The following MYO7B variants were observed in gnomAD, a reference collection of about 807,000 sequenced individuals.
MYO7B encodes myosin VIIB, also known as unconventional myosin-VIIb.
Under a neutral mutation model 259.7 loss-of-function variants are expected in MYO7B, and 212 were observed. That is an observed-to-expected ratio of 0.82 (90% CI 0.73 to 0.91). The LOEUF (loss-of-function observed/expected upper bound fraction) is 0.91, where lower values mean the gene tolerates loss of function less well. MYO7B is among the 40% of genes least tolerant of loss of function. MYO7B has a pLI of 0.00. For synonymous variants in MYO7B, 1,197 were observed against 1,166.4 expected (o/e 1.03, Z -0.54); for missense variants, 2,732 against 2,813.5 (o/e 0.97, Z 0.66).
chr2:127,564,201 G>T lies in MYO7B; in HGVS notation c.67G>T (p.Ala23Ser). 1.3e-6 allele frequency: 2 copies of T among 1,578,264 alleles called. No individual in the cohort carries two copies. Among genetic ancestry groups the T allele is most frequent in the Non-Finnish European group, 1.7e-6 (2 of 1,162,556 alleles). Residue 23 changes from alanine (A) to serine (S), a missense_variant, in exon 3 of 48, where the codon GCC (alanine) becomes TCC (serine). By Grantham distance (99) the Ala-to-Ser change is moderately conservative. This residue lies in a region of MYO7B where 1,906 missense variants were observed against 2,026.4 expected (regional missense o/e 0.94). Transcript: ENST00000409816. ...TCCCTCCACCCACAAGACCGGCGTGGCCATCGGGGGCATCATCAAAGAGGC... is the reference window on the plus strand; with the variant it reads ...TCCCTCCACCCACAAGACCGGCGTGTCCATCGGGGGCATCATCAAAGAGGC... ...EPPSTHKTGV[A>S]IGGIIKEAKP...
At chr2:127,598,591 A>G (rs1381290010) in intron 19 of MYO7B, among the ~76,000 whole-genome samples, 1 of 152,232 alleles carries the variant, frequency 6.6e-6, no homozygotes, top group Non-Finnish European at 1.5e-5. Context: ...ATCTTCGTAA[A>G]GTCTAATTGT....
chr2:127,595,646 C>T (rs1679745696), intron 18 of MYO7B, among the ~76,000 whole-genome samples: 2 of 152,184 alleles, frequency 1.3e-5, no homozygotes, highest in Non-Finnish European at 2.9e-5. Flanking sequence ...TTAGCTGTGT[C>T]CCAGAGCTTC....
Position 127,637,539 on chromosome 2 carries a change from C to T in MYO7B, c.*122C>T. 1.4e-6 allele frequency: 1 copy of T among 735,608 alleles called. No homozygotes were observed. Among genetic ancestry groups the T allele is most frequent in the Non-Finnish European group, 2.1e-6 (1 of 469,470 alleles). 45.6% of individuals were successfully genotyped at this position (735,608 alleles called of 1,614,324 possible). A position where few individuals can be genotyped will look rare whatever the true frequency, so the allele number is the denominator to read the frequency against. On this transcript the variant is annotated 3_prime_UTR_variant, in exon 48 of 48. Coordinates refer to ENST00000409816, the MANE Select transcript of MYO7B (RefSeq NM_001393586.1). ...GCAGCCTTCCATGCTGCCCCCCATA[C>T]AAAGCCCACTCAGCCCCGCAGGCGG...
In MYO7B at chr2:127,615,140, G is replaced by A. The variant is rs1316920744; in HGVS notation, c.3398+2537G>A. Among the ~76,000 whole-genome samples the A allele has an allele frequency of 6.6e-6, 1 of 152,126 alleles. No individual in the cohort carries two copies. The highest frequency in any genetic ancestry group is 1.5e-5 in the Non-Finnish European group (1 of 68,024). On this transcript the variant is annotated intron_variant, in intron 26 of 47. Coordinates refer to ENST00000409816, the MANE Select transcript of MYO7B (RefSeq NM_001393586.1). The surrounding 1 kb of genome is among the most constrained non-coding windows in gnomAD (Gnocchi z 4.4). ...AATTTCCTGGTCCTAAGATGGACCA[G>A]TGCTAAGATGGAGGTCTGTTCAGGG...
At position 127,627,315 on chromosome 2, in the gene MYO7B, G is replaced by A. The variant is rs369412298; in HGVS notation, c.4460+5G>A. On this transcript the variant is annotated splice_donor_5th_base_variant and intron_variant, in intron 33 of 47. Coordinates refer to ENST00000409816, the MANE Select transcript of MYO7B (RefSeq NM_001393586.1). This position sits in a 1 kb window ranked among gnomAD's most constrained non-coding sequence, Gnocchi z 5.6. ...CATGGGTCTGGCCACCAACAGGTGCGGGCCCTGAGGGAAGATCTCTTCTTA... is the reference window on the plus strand; with the variant it reads ...CATGGGTCTGGCCACCAACAGGTGCAGGCCCTGAGGGAAGATCTCTTCTTA... The A allele has an allele frequency of 3.1e-4, 504 of 1,612,980 alleles. No homozygotes were observed. The highest frequency in any genetic ancestry group is 4.0e-4 in the Non-Finnish European group (471 of 1,179,774).
chr2:127,633,415 G>A (rs1199553410), intron 40 of MYO7B, 52 bp downstream of exon 40: 4 of 1,556,014 alleles, frequency 2.6e-6, no homozygotes, highest in Non-Finnish European at 3.5e-6. Flanking sequence ...CAGAGGCCAT[G>A]GGGCATCCTC....
chr2:127,623,328 C>T lies in MYO7B; in HGVS notation c.3772C>T (p.Leu1258Phe). Residue 1258 changes from leucine to phenylalanine, a missense_variant, in exon 29 of 48, where the codon CTC (leucine) becomes TTC (phenylalanine). Physicochemically the swap from Leu to Phe is conservative, Grantham distance 22. This residue lies in a region of MYO7B where 1,906 missense variants were observed against 2,026.4 expected (regional missense o/e 0.94). Coordinates refer to ENST00000409816, the MANE Select transcript of MYO7B (RefSeq NM_001393586.1). ...CATGCACATCGCTCACAAGCAGGGCCTCAGCGACCACCTGGGCTTCTCCCT... is the reference window on the plus strand; with the variant it reads ...CATGCACATCGCTCACAAGCAGGGCTTCAGCGACCACCTGGGCTTCTCCCT... ...MCMHIAHKQG[L>F]SDHLGFSLQV... 6.2e-7 allele frequency: 1 copy of T among 1,610,890 alleles called. No homozygotes were observed. The highest frequency in any genetic ancestry group is 8.5e-7 in the Non-Finnish European group (1 of 1,178,504).
intron 25 of MYO7B, 59 bp downstream of exon 25, chr2:127,612,386 AG>A (rs1195832522): frequency 6.5e-7 from 1 of 1,527,256 alleles, no homozygotes; most frequent in African/African-American, 1.4e-5. Context: ...ACAGGGTTCC[AG>A]TCTATTGCTT....
At chr2:127,578,767 G>A (rs1307318887) in intron 9 of MYO7B, among the ~76,000 whole-genome samples, 1 of 152,128 alleles carries the variant, frequency 6.6e-6, no homozygotes, top group Non-Finnish European at 1.5e-5. Context: ...ATGAAGCCAG[G>A]AAGAAATAGG....
In MYO7B at chr2:127,611,662, A is replaced by G. The variant is rs1401882064; in HGVS notation, c.3193-588A>G. 6.6e-6 allele frequency among the ~76,000 whole-genome samples: 1 copy of G among 151,988 alleles called. No homozygotes were observed. The highest frequency in any genetic ancestry group is 1.5e-5 in the Non-Finnish European group (1 of 67,976). On this transcript the variant is annotated intron_variant, in intron 24 of 47. Transcript: ENST00000409816. The surrounding 1 kb of genome is among the most constrained non-coding windows in gnomAD (Gnocchi z 5.4). ...GACCCCCACCCAAGCTCAGTCCCAC[A>G]CTGAGCTCCAATTTTGGCAGCAAAT...
rs569321350 is a variant in MYO7B, at chr2:127,593,718, G to A, written c.2244+74G>A. ...GCTTGTCAGCTCTTGCACCAGGCCC[G>A]GGGTCCATGGTCCATGTGCCCTGAG... On this transcript the variant is annotated intron_variant, in intron 18 of 47. Transcript: ENST00000409816. 2.6e-4 allele frequency: 359 copies of A among 1,376,158 alleles called. 14 individuals are homozygous for A. In the South Asian group the frequency reaches 3.1e-3, roughly 12 times the overall value. The allele number at this position is 1,376,158 out of a possible 1,614,324, so 85.2% of individuals were successfully genotyped here. A position where few individuals can be genotyped will look rare whatever the true frequency, so the allele number is the denominator to read the frequency against.
At chr2:127,552,040 G>A (rs1169687607) in intron 1 of MYO7B, among the ~76,000 whole-genome samples, 1 of 152,144 alleles carries the variant, frequency 6.6e-6, no homozygotes, top group Admixed American at 6.5e-5. Context: ...TCAGTTCAAG[G>A]GAAATCACAG....
At chr2:127,543,713 CCT>C (rs995851303) in intron 1 of MYO7B, among the ~76,000 whole-genome samples, 22 of 150,332 alleles carry the variant, frequency 1.5e-4, no homozygotes, top group South Asian at 1.3e-3. Flanking sequence ...ATATATATAT[CCT>C]CTCTCTCTCT....
In MYO7B at chr2:127,635,753, A is replaced by T. The variant is rs1681764700; in HGVS notation, c.5852A>T (p.Lys1951Met). 6.2e-7 allele frequency: 1 copy of T among 1,604,256 alleles called. No individual in the cohort carries two copies. ...CCCAAGTACCTGCGCGGATTCCACAAGTGTTCGCGGGAGGATGCCATCCAC... is the reference window on the plus strand; with the variant it reads ...CCCAAGTACCTGCGCGGATTCCACATGTGTTCGCGGGAGGATGCCATCCAC... ...ELPKYLRGFH[K>M]CSREDAIHLA... The change falls in exon 44 of 48, where the codon AAG becomes ATG. Residue 1951 changes from lysine (K) to methionine (M), a missense_variant. Coordinates refer to ENST00000409816, the MANE Select transcript of MYO7B (RefSeq NM_001393586.1).
At position 127,631,706 on chromosome 2, in the gene MYO7B, C is replaced by T. The variant is rs368612510; in HGVS notation, c.5202C>T (p.Asp1734=). Residue 1734 remains aspartate, a synonymous_variant, in exon 38 of 48, where the codon GAC becomes GAT. Coordinates refer to ENST00000409816, the MANE Select transcript of MYO7B (RefSeq NM_001393586.1). ...CCCTGCAGCACCCGGCCCTCCAGGACGAGGTCTACTGCCAGATCCTGAAGC... is the reference window on the plus strand; with the variant it reads ...CCCTGCAGCACCCGGCCCTCCAGGATGAGGTCTACTGCCAGATCCTGAAGC... ...TLALQHPALQ[D]EVYCQILKQL... is the part of the protein sequence containing the mutation. 2.2e-4 allele frequency: 350 copies of T among 1,612,884 alleles called. No homozygotes were observed. The highest frequency in any genetic ancestry group is 2.7e-4 in the Non-Finnish European group (321 of 1,179,864).
At position 127,593,651 on chromosome 2, in the gene MYO7B, C is replaced by A. The variant is rs1318336492; in HGVS notation, c.2244+7C>A. ...GACAAAAATTTTCCTGAGGGTGAGA[C>A]CCCGAGGAACCAGCCAGCTGTCGGC... is the stretch of plus-strand genomic sequence containing the variant. On this transcript the variant is annotated splice_region_variant and intron_variant, in intron 18 of 47. Transcript: ENST00000409816. The A allele has an allele frequency of 1.2e-6, 2 of 1,612,768 alleles. No individual in the cohort carries two copies. The highest frequency in any genetic ancestry group is 2.2e-5 in the East Asian group (1 of 44,870).
rs1679294762 is a variant in MYO7B, at chr2:127,586,086, T to C, written c.1690+1173T>C. Among the ~76,000 whole-genome samples the C allele has an allele frequency of 6.6e-6, 1 of 152,226 alleles. No individual in the cohort carries two copies. Among genetic ancestry groups the C allele is most frequent in the South Asian group, 2.1e-4 (1 of 4,834 alleles). On this transcript the variant is annotated intron_variant, in intron 14 of 47. Coordinates refer to ENST00000409816, the MANE Select transcript of MYO7B (RefSeq NM_001393586.1). This position sits in a 1 kb window ranked among gnomAD's most constrained non-coding sequence, Gnocchi z 4.8. ...ATTTTGAAGAAGTCCAACTTATCTA[T>C]TTTCCTTTCTTTGCTTGTGTCATAT...
Position 127,636,430 on chromosome 2 carries a change from T to A in MYO7B, c.6123+106T>A. 7.0e-7 allele frequency: 1 copy of A among 1,438,260 alleles called. No individual in the cohort carries two copies. Among genetic ancestry groups the A allele is most frequent in the Non-Finnish European group, 9.7e-7 (1 of 1,032,898 alleles). 89.1% of individuals were successfully genotyped at this position (1,438,260 alleles called of 1,614,324 possible). ...CACACATCTTGGGTGGGGCTGGCCG[T>A]GAGGCTGGAGGGCGTGGGTGTATGT... On this transcript the variant is annotated intron_variant, in intron 45 of 47. Coordinates refer to ENST00000409816, the MANE Select transcript of MYO7B (RefSeq NM_001393586.1). The surrounding 1 kb of genome is among the most constrained non-coding windows in gnomAD (Gnocchi z 4.5).
Position 127,610,014 on chromosome 2 carries a change from C to T in MYO7B, c.3190C>T (p.Gln1064Ter). Residue 1064 changes from glutamine (Q) to a stop codon, truncating the protein, a stop_gained and splice_region_variant, in exon 24 of 48, where the codon CAG becomes TAG. Transcript: ENST00000409816. LOFTEE classifies it high-confidence loss of function. Reference protein sequence around the residue: ...AQVPQHSRSAQRSGCKDKGTK... With the variant: ...AQVPQHSRSA ...GGTTCCACAGCACAGTAGATCTGCACAGGCAAGTGGGGGGCAGCAGCGGGC... is the reference window on the plus strand; with the variant it reads ...GGTTCCACAGCACAGTAGATCTGCATAGGCAAGTGGGGGGCAGCAGCGGGC... 6.2e-7 allele frequency: 1 copy of T among 1,609,176 alleles called. No individual in the cohort carries two copies.
Sources: gnomAD v4.1 joint callset for allele counts (sites outside exome capture counted in the v4.1 genomes callset) on GRCh38, gnomAD v4.1.1 for gene constraint, gnomAD v4.1.1 regional missense constraint, Gnocchi (gnomAD v3.1) non-coding constraint, MANE v1.5 for transcripts, NCBI Gene and HGNC (gene_info 2026-07-23, HGNC 2026-07-21) for gene names.